HIF3A: variants seen among roughly 807,000 people sequenced by gnomAD.
HIF3A encodes the protein hypoxia-inducible factor 3-alpha.
HIF3A carries 41 observed loss-of-function variants against 67.2 expected under a neutral mutation model. The observed-to-expected ratio is 0.61, with a 90% confidence interval of 0.48 to 0.79. HIF3A has a LOEUF of 0.79. Ranked by LOEUF, HIF3A falls within the 30% of genes least tolerant of loss-of-function variation. The pLI is 0.00. For missense variants in HIF3A, 855 were observed against 898.0 expected (o/e 0.95, Z 0.61); for synonymous variants, 356 against 374.8 (o/e 0.95, Z 0.58).
chr19:46,313,112 G>A, intron 8 of HIF3A: 3 of 601,096 alleles, frequency 5.0e-6, no homozygotes, highest in Non-Finnish European at 6.3e-6. Context: ...TTAGCCGGGT[G>A]TGGTGACACA....
Position 46,308,708 on chromosome 19 carries a change from C to T in HIF3A, c.494C>T (p.Ser165Phe), listed in dbSNP as rs759048388. The T allele has an allele frequency of 4.3e-6, 7 of 1,611,228 alleles. No individual in the cohort carries two copies. Among genetic ancestry groups the T allele is most frequent in the Non-Finnish European group, 5.9e-6 (7 of 1,179,034 alleles). Reference protein sequence around the residue: ...KVEAPTERCFSLRMKSTLTSR... With the variant: ...KVEAPTERCFFLRMKSTLTSR... ...GAGGCCCCCACGGAGCGGTGCTTCT[C>T]CTTGCGCATGAAGAGTACACTCACC... The change falls in exon 5 of 15, where the codon TCC becomes TTC. Residue 165 changes from serine (S) to phenylalanine (F), a missense_variant. Ser to Phe is a radical substitution (Grantham distance 155, BLOSUM62 -2). Transcript: ENST00000377670.
intron 11 of HIF3A, among the ~76,000 whole-genome samples, chr19:46,328,466 A>T (rs542735257): frequency 2.1e-4 from 32 of 152,242 alleles, no homozygotes; most frequent in African/African-American, 7.5e-4. Context: ...CTTGCCTTTT[A>T]CTATAAGTAA....
chr19:46,310,833 G>A (rs937853340), intron 6 of HIF3A: 5 of 276,338 alleles, frequency 1.8e-5, no homozygotes, highest in East Asian at 1.3e-4. Flanking sequence ...CCACTGCAAC[G>A]TCCACCTCCC....
chr19:46,309,033 G>T, intron 5 of HIF3A, 118 bp from the exon 6 acceptor site: 1 of 860,712 alleles, frequency 1.2e-6, no homozygotes, highest in Non-Finnish European at 1.8e-6. Context: ...TGAACCTGAA[G>T]TCTTCATGGG....
chr19:46,308,955 C>A (rs1402378528), intron 5 of HIF3A, among the ~76,000 whole-genome samples, 180 bp downstream of exon 5: 1 of 152,044 alleles, frequency 6.6e-6, no homozygotes, highest in Admixed American at 6.5e-5. Context: ...GAGTTGGGAC[C>A]TGGGGCTCCT....
At position 46,334,905 on chromosome 19, in the gene HIF3A, A is replaced by T. The variant is rs1971496326; in HGVS notation, c.1831A>T (p.Ser611Cys). Residue 611 changes from serine to cysteine, a missense_variant and splice_region_variant, in exon 14 of 15, where the codon AGT (serine) becomes TGT (cysteine). This residue lies in a region of HIF3A where 199 missense variants were observed against 193.8 expected (regional missense o/e 1.03). Transcript: ENST00000377670. ...TGGTGGCTTTGTCTCTCTCCCACAG[A>T]GTTTCCTTCTGACAGGAGGACCAGC... ...ENFLLFPLSL[S>C]FLLTGGPAPG... The T allele has an allele frequency of 6.2e-7, 1 of 1,607,162 alleles. No homozygotes were observed.
At chr19:46,301,004 G>T (rs753864132) in intron 1 of HIF3A, among the ~76,000 whole-genome samples, 2 of 152,036 alleles carry the variant, frequency 1.3e-5, no homozygotes, top group African/African-American at 4.8e-5. Flanking sequence ...CCCCAGCTCC[G>T]TGAGGCCCTC....
At chr19:46,309,577 C>T (rs1461344205) in intron 6 of HIF3A, among the ~76,000 whole-genome samples, 7 of 152,046 alleles carry the variant, frequency 4.6e-5, no homozygotes, top group South Asian at 4.2e-4. Context: ...CCAGACTGCT[C>T]TCAAACTCCT....
intron 13 of HIF3A, among the ~76,000 whole-genome samples, chr19:46,332,075 C>G (rs1479696411): frequency 6.6e-6 from 1 of 152,050 alleles, no homozygotes; most frequent in Non-Finnish European, 1.5e-5. Context: ...GGTCTGCCAC[C>G]CAGTAACTGC....
chr19:46,297,435 G>T lies in HIF3A; in HGVS notation c.26+333G>T, dbSNP rs1239220100. ...GTGATTGCATTTGAGCAGTCCCCAG[G>T]CTTCTGCGGGAGATATTCGCCCTCC... is the stretch of plus-strand genomic sequence containing the variant. On this transcript the variant is annotated intron_variant, in intron 1 of 14. Transcript: ENST00000377670. This position sits in a 1 kb window ranked among gnomAD's most constrained non-coding sequence, Gnocchi z 4.5. 2.6e-5 allele frequency among the ~76,000 whole-genome samples: 4 copies of T among 152,122 alleles called. No homozygotes were observed. Among genetic ancestry groups the T allele is most frequent in the Admixed American group, 2.6e-4 (4 of 15,270 alleles).
intron 13 of HIF3A, among the ~76,000 whole-genome samples, chr19:46,333,754 T>C (rs1422929690): frequency 6.6e-6 from 1 of 151,554 alleles, no homozygotes; most frequent in Admixed American, 6.6e-5. Flanking sequence ...CTTTTTCTTT[T>C]CTTTTCTTTT....
rs571447722 is a variant in HIF3A, at chr19:46,327,047, C to T, written c.1440+1408C>T. Among the ~76,000 whole-genome samples the T allele has an allele frequency of 3.9e-5, 6 of 152,064 alleles. No homozygotes were observed. The South Asian group carries it at 8.3e-4, about 21-fold the overall frequency. ...GCACATGCCTGTAATCCCAGCTACT[C>T]GGGAGGCTGAGGCCAGAGAATCACT... On this transcript the variant is annotated intron_variant, in intron 11 of 14. Transcript: ENST00000377670.
chr19:46,339,696 G>A lies in HIF3A; in HGVS notation c.*74G>A, dbSNP rs530911360. 7.2e-5 allele frequency: 81 copies of A among 1,117,560 alleles called. No individual in the cohort carries two copies. In the African/African-American group the frequency reaches 9.3e-4, roughly 13 times the overall value. The allele number at this position is 1,117,560 out of a possible 1,614,324, so 69.2% of individuals were successfully genotyped here. A position where few individuals can be genotyped will look rare whatever the true frequency, so the allele number is the denominator to read the frequency against. On this transcript the variant is annotated 3_prime_UTR_variant, in exon 15 of 15. Transcript: ENST00000377670. Reference sequence around the variant, plus strand: ...ACCACACTCCACGCCGGCAGCCAACGCACAGGATGGGGGCGCCAGGAGAGG... The same window carrying A: ...ACCACACTCCACGCCGGCAGCCAACACACAGGATGGGGGCGCCAGGAGAGG...
chr19:46,305,568 C>A (rs756278523), intron 3 of HIF3A, among the ~76,000 whole-genome samples, 178 bp downstream of exon 3: 1 of 152,054 alleles, frequency 6.6e-6, no homozygotes, highest in Non-Finnish European at 1.5e-5. Flanking sequence ...GTCTAGGGGG[C>A]TGTGAGAGCA....
At chr19:46,303,855 T>C (rs1246100141) in intron 1 of HIF3A, 43 bp from the exon 2 acceptor site, 3 of 1,583,190 alleles carry the variant, frequency 1.9e-6, no homozygotes, top group South Asian at 1.2e-5. Flanking sequence ...CCTCCTTTTC[T>C]CTTTCCCGAG....
chr19:46,318,994 C>T (rs1042367749), intron 8 of HIF3A, among the ~76,000 whole-genome samples: 1 of 152,144 alleles, frequency 6.6e-6, no homozygotes, highest in African/African-American at 2.4e-5. Context: ...GGGATTTGAA[C>T]CCAGGCCACT....
intron 1 of HIF3A, among the ~76,000 whole-genome samples, chr19:46,302,421 C>G (rs1318167301): frequency 1.3e-5 from 2 of 151,454 alleles, no homozygotes; most frequent in African/African-American, 4.9e-5. Context: ...TGAGCCACTG[C>G]GCCCGGCCTG....
At chr19:46,301,021 C>T (rs1227913205) in intron 1 of HIF3A, among the ~76,000 whole-genome samples, 6 of 152,096 alleles carry the variant, frequency 3.9e-5, no homozygotes, top group Non-Finnish European at 2.9e-5. Context: ...CCTCTCGCCC[C>T]CACCCTCTGG....
intron 1 of HIF3A, among the ~76,000 whole-genome samples, chr19:46,302,200 G>GCTCACTGCAACCTCCA (rs1294875584): frequency 6.6e-6 from 1 of 151,990 alleles, no homozygotes; most frequent in Non-Finnish European, 1.5e-5. Flanking sequence ...CGCGATCTTG[G>GCTCACTGCAACCTCCA]CTCACTGCAA....
Sources: allele counts gnomAD v4.1 joint callset (sites outside exome capture counted in the v4.1 genomes callset), GRCh38; gene constraint gnomAD v4.1.1; regional missense constraint gnomAD v4.1.1; non-coding constraint Gnocchi (gnomAD v3.1); transcripts MANE v1.5; gene names NCBI Gene and HGNC (gene_info 2026-07-23, HGNC 2026-07-21).